USP49: variants seen among roughly 807,000 people sequenced by gnomAD.
The protein encoded by USP49 is ubiquitin specific peptidase 49.
USP49 carries 24 observed loss-of-function variants against 58.6 expected under a neutral mutation model. The ratio of observed to expected loss-of-function variants is 0.41; its 90% CI spans 0.30 to 0.58. The LOEUF is 0.58. Ranked by LOEUF, USP49 falls within the 20% of genes least tolerant of loss-of-function variation. USP49 has a pLI of 0.30. For synonymous variants in USP49, 408 were observed against 365.1 expected, an observed-to-expected ratio of 1.12 and a Z score of -1.34; for missense variants, 703 against 866.1, an observed-to-expected ratio of 0.81 and a Z score of 2.36.
chr6:41,840,333 C>T (rs1343701860), intron 3 of USP49, among the ~76,000 whole-genome samples: 1 of 148,606 alleles, frequency 6.7e-6, no homozygotes, highest in Non-Finnish European at 1.5e-5. Context: ...GAGATTACAC[C>T]ACTGCACTCC....
In USP49 at chr6:41,807,932, C is replaced by T. The variant is rs201023685; in HGVS notation, c.-28-921G>A. Among the ~76,000 whole-genome samples the T allele has an allele frequency of 3.3e-5, 5 of 151,920 alleles. No homozygotes were observed. In the East Asian group the frequency reaches 9.7e-4, roughly 29 times the overall value. ...GGGATTACAGGTGCGCGCACCACCA[C>T]ACCCGGCTAATTTTTTTGTATTTTT... On this transcript the variant is annotated intron_variant, in intron 3 of 7. Transcript: ENST00000682992.
At chr6:41,860,896 C>T (rs1337570960) in intron 3 of USP49, among the ~76,000 whole-genome samples, 1 of 152,028 alleles carries the variant, frequency 6.6e-6, no homozygotes, top group Non-Finnish European at 1.5e-5. Context: ...TTTGGGAGGC[C>T]GAGACAGGCA....
At chr6:41,827,217 T>C (rs1395906625) in intron 3 of USP49, among the ~76,000 whole-genome samples, 1 of 152,182 alleles carries the variant, frequency 6.6e-6, no homozygotes, top group Non-Finnish European at 1.5e-5. Context: ...TCTCACAAAC[T>C]TGAGGCTGAG....
intron 3 of USP49, among the ~76,000 whole-genome samples, chr6:41,849,496 C>T (rs947982920): frequency 1.3e-5 from 2 of 152,174 alleles, no homozygotes; most frequent in African/African-American, 4.8e-5. Context: ...GCAGAATATA[C>T]ATTCTTCTCA....
intron 3 of USP49, among the ~76,000 whole-genome samples, chr6:41,847,699 C>G (rs111949830): frequency 6.6e-6 from 1 of 150,798 alleles, no homozygotes; most frequent in African/African-American, 2.5e-5. Flanking sequence ...GGCAACAGAG[C>G]GAGACTCTGT....
intron 3 of USP49, among the ~76,000 whole-genome samples, chr6:41,833,178 G>A (rs1281770477): frequency 2.6e-5 from 4 of 151,702 alleles, no homozygotes; most frequent in African/African-American, 2.4e-5. Flanking sequence ...CACCATGCCC[G>A]GCGAATTTTT....
chr6:41,883,903 G>A (rs1043778919), intron 2 of USP49, among the ~76,000 whole-genome samples: 4 of 152,172 alleles, frequency 2.6e-5, no homozygotes, highest in African/African-American at 4.8e-5. Flanking sequence ...GTGCAAGACT[G>A]TTACTGGTAT....
chr6:41,793,822 G>A lies in USP49; in HGVS notation c.*2711C>T, dbSNP rs919139284. On this transcript the variant is annotated 3_prime_UTR_variant, in exon 8 of 8. Transcript: ENST00000682992. Reference sequence around the variant, plus strand: ...TCATCTTGGCTGGCTACAGCAGCAAGTAAACATGCCAGCCAACTAACTACA... The same window carrying A: ...TCATCTTGGCTGGCTACAGCAGCAAATAAACATGCCAGCCAACTAACTACA... The A allele has an allele frequency of 9.9e-5, 15 of 152,238 alleles. No individual in the cohort carries two copies. The highest frequency in any genetic ancestry group is 3.9e-4 in the Admixed American group (6 of 15,288). The allele number at this position is 152,238 out of a possible 1,614,324, so 9.4% of individuals were successfully genotyped here. A position where few individuals can be genotyped will look rare whatever the true frequency, so the allele number is the denominator to read the frequency against.
At chr6:41,805,325 A>G (rs970255002) in intron 4 of USP49, among the ~76,000 whole-genome samples, 9 of 152,218 alleles carry the variant, frequency 5.9e-5, no homozygotes, top group Admixed American at 3.9e-4. Flanking sequence ...AACAATGGGT[A>G]CTTAATTATA....
At chr6:41,816,664 C>T (rs1773355889) in intron 3 of USP49, among the ~76,000 whole-genome samples, 1 of 151,786 alleles carries the variant, frequency 6.6e-6, no homozygotes, top group African/African-American at 2.4e-5. Flanking sequence ...AAGTAAAAAC[C>T]TGATAATTTT....
chr6:41,809,975 C>T (rs930803707), intron 3 of USP49, among the ~76,000 whole-genome samples: 9 of 149,810 alleles, frequency 6.0e-5, no homozygotes. Context: ...CACGGTGAAA[C>T]CCTGTCTCTA....
intron 1 of USP49, among the ~76,000 whole-genome samples, chr6:41,892,316 TAC>T (rs1561929281): frequency 6.6e-6 from 1 of 152,196 alleles, no homozygotes; most frequent in African/African-American, 2.4e-5. Context: ...GGCAATACCA[TAC>T]AGAGTACGTC....
chr6:41,882,379 T>C (rs973319843), intron 2 of USP49, among the ~76,000 whole-genome samples: 1 of 152,230 alleles, frequency 6.6e-6, no homozygotes. Context: ...ACTGGAAGGT[T>C]CAGCTAGTTT....
At chr6:41,811,862 A>G (rs1332746748) in intron 3 of USP49, among the ~76,000 whole-genome samples, 1 of 152,206 alleles carries the variant, frequency 6.6e-6, no homozygotes, top group Non-Finnish European at 1.5e-5. Context: ...CCTGGGACAC[A>G]AAAGAAAGTA....
chr6:41,800,199 A>G (rs1430657853), intron 5 of USP49, among the ~76,000 whole-genome samples: 1 of 152,176 alleles, frequency 6.6e-6, no homozygotes, highest in African/African-American at 2.4e-5. Context: ...ACTCAGTTGT[A>G]AGGCACATCC....
intron 3 of USP49, among the ~76,000 whole-genome samples, chr6:41,844,178 G>A (rs1375946062): frequency 6.6e-6 from 1 of 151,084 alleles, no homozygotes; most frequent in African/African-American, 2.4e-5. Context: ...CCGAGATTGT[G>A]CCACTGCACT....
Position 41,805,770 on chromosome 6 carries a change from C to G in USP49, c.1214G>C (p.Cys405Ser). ...YDQQDAQEFL[C>S]ELLHKVQQEL... Reference sequence around the variant, plus strand: ...CTGCTGCACCTTGTGCAGCAGCTCGCAGAGAAATTCCTGCGCGTCCTGTTG... The same window carrying G: ...CTGCTGCACCTTGTGCAGCAGCTCGGAGAGAAATTCCTGCGCGTCCTGTTG... The change falls in exon 4 of 8, where the codon TGC (cysteine) becomes TCC (serine). Residue 405 changes from cysteine to serine, a missense_variant. Coordinates refer to ENST00000682992, the MANE Select transcript of USP49 (RefSeq NM_001286554.2). The G allele has an allele frequency of 6.2e-7, 1 of 1,614,100 alleles. No individual in the cohort carries two copies. The highest frequency in any genetic ancestry group is 8.5e-7 in the Non-Finnish European group (1 of 1,180,016).
chr6:41,803,698 A>G lies in USP49; in HGVS notation c.1561+108T>C. 8.3e-7 allele frequency: 1 copy of G among 1,200,118 alleles called. No homozygotes were observed. Among genetic ancestry groups the G allele is most frequent in the Non-Finnish European group, 1.2e-6 (1 of 832,946 alleles). The allele number at this position is 1,200,118 out of a possible 1,614,324, so 74.3% of individuals were successfully genotyped here. A position where few individuals can be genotyped will look rare whatever the true frequency, so the allele number is the denominator to read the frequency against. On this transcript the variant is annotated intron_variant, in intron 5 of 7. Transcript: ENST00000682992. The surrounding 1 kb of genome is among the most constrained non-coding windows in gnomAD (Gnocchi z 4.1). ...GATCTTTAAAAGATGCTTTAGAACC[A>G]TTCAATATCATTAGTGTTACTTTTG...
intron 3 of USP49, among the ~76,000 whole-genome samples, chr6:41,835,706 C>CT (rs1310865984): frequency 5.3e-5 from 7 of 132,584 alleles, no homozygotes; most frequent in Admixed American, 1.6e-4. Flanking sequence ...GAGTGAGACT[C>CT]TAAAAAAAAA....
Sources: allele counts gnomAD v4.1 joint callset (sites outside exome capture counted in the v4.1 genomes callset), GRCh38; gene constraint gnomAD v4.1.1; non-coding constraint Gnocchi (gnomAD v3.1); transcripts MANE v1.5; gene names NCBI Gene and HGNC (gene_info 2026-07-23, HGNC 2026-07-21).